Variants in ATAD2B observed in about 807,000 individuals in gnomAD.
The protein encoded by ATAD2B is ATPase family AAA domain containing 2B.
In ATAD2B, 40 loss-of-function variants were observed where a neutral mutation model predicts 167.6. That is an observed-to-expected ratio of 0.24 (90% confidence interval 0.19 to 0.31). The LOEUF is 0.31. Among genes scored for constraint, ATAD2B ranks in the 10% least tolerant of loss-of-function variants. ATAD2B has a pLI of 1.00. For synonymous variants in ATAD2B, 579 were observed against 596.5 expected, an observed-to-expected ratio of 0.97 and a Z score of 0.43; for missense variants, 1,242 against 1,757.2, an observed-to-expected ratio of 0.71 and a Z score of 5.24.
intron 24 of ATAD2B, 95 bp downstream of exon 24, chr2:23,762,113 GA>G: frequency 3.1e-6 from 4 of 1,292,030 alleles, no homozygotes; most frequent in Non-Finnish European, 4.2e-6. Flanking sequence ...AGAGCTATGG[GA>G]AAAGAGCGGC....
At chr2:23,682,895 T>TA in the ATAD2B span, among the ~76,000 whole-genome samples, 2 of 198 alleles carry the variant, frequency 0.01, no homozygotes, top group African/African-American at 0.036. The surrounding 1 kb of genome is among the most constrained non-coding windows in gnomAD (Gnocchi z 4.1). Context: ...GATTCGGCCT[T>TA]GCCATGGCTC....
chr2:23,678,009 G>A, the ATAD2B span, among the ~76,000 whole-genome samples: 2 of 152,192 alleles, frequency 1.3e-5, no homozygotes, highest in African/African-American at 4.8e-5. Context: ...CTGCTGCAAA[G>A]CCACTGAAAT....
the ATAD2B span, among the ~76,000 whole-genome samples, chr2:23,731,121 C>T: frequency 2.6e-5 from 4 of 152,128 alleles, no homozygotes; most frequent in Non-Finnish European, 4.4e-5. Context: ...AATAGCAATG[C>T]ATTGTAATAC....
At chr2:23,895,205 G>T (rs929561992) in intron 2 of ATAD2B, among the ~76,000 whole-genome samples, 2 of 151,934 alleles carry the variant, frequency 1.3e-5, no homozygotes, top group Admixed American at 6.6e-5. Flanking sequence ...GCATAAAATA[G>T]AAGTTAAAGA....
intron 12 of ATAD2B, among the ~76,000 whole-genome samples, chr2:23,862,092 G>A (rs1356841340): frequency 6.6e-6 from 1 of 151,996 alleles, no homozygotes; most frequent in Non-Finnish European, 1.5e-5. Context: ...TCTACCTAGA[G>A]AGGCCAAGGC....
At chr2:23,703,711 C>A in the ATAD2B span, 1 of 1,534,276 alleles carries the variant, frequency 6.5e-7, no homozygotes, top group Non-Finnish European at 8.7e-7. Context: ...GCTCTGCTCT[C>A]CTCACAGACA....
chr2:23,738,537 C>T, the ATAD2B span, among the ~76,000 whole-genome samples: 20 of 152,306 alleles, frequency 1.3e-4, no homozygotes, highest in Admixed American at 1.0e-3. Context: ...CCTAAAAGAG[C>T]TCCTGAAGGA....
At chr2:23,889,229 G>A (rs1233410012) in intron 2 of ATAD2B, among the ~76,000 whole-genome samples, 3 of 151,948 alleles carry the variant, frequency 2.0e-5, no homozygotes, top group African/African-American at 4.8e-5. Flanking sequence ...GTACAGTGGC[G>A]CGATCTCGGC....
chr2:23,894,466 CAA>C (rs113301623), intron 2 of ATAD2B, among the ~76,000 whole-genome samples: 2 of 127,334 alleles, frequency 1.6e-5, no homozygotes, highest in Non-Finnish European at 1.7e-5. Context: ...AACTCCATCT[CAA>C]AAAAAAAAAA....
chr2:23,769,195 C>T (rs887422813), intron 22 of ATAD2B, among the ~76,000 whole-genome samples: 1 of 152,126 alleles, frequency 6.6e-6, no homozygotes, highest in African/African-American at 2.4e-5. Context: ...AATCCCAGCA[C>T]TTTGGGAGGC....
At chr2:23,803,669 G>C (rs2149488619) in intron 18 of ATAD2B, among the ~76,000 whole-genome samples, 1 of 152,298 alleles carries the variant, frequency 6.6e-6, no homozygotes, top group African/African-American at 2.4e-5. Context: ...ATCAATAGCT[G>C]AATCCGTCAG....
intron 12 of ATAD2B, among the ~76,000 whole-genome samples, chr2:23,860,305 A>G (rs1410863596): frequency 6.6e-6 from 1 of 152,190 alleles, no homozygotes. Flanking sequence ...CAAAACAAAA[A>G]TATGTATTTT....
chr2:23,884,548 T>C (rs933114437), intron 6 of ATAD2B, among the ~76,000 whole-genome samples: 1 of 152,124 alleles, frequency 6.6e-6, no homozygotes, highest in Non-Finnish European at 1.5e-5. Flanking sequence ...ATAAAATACA[T>C]TACATAATGT....
chr2:23,710,485 C>A, the ATAD2B span, among the ~76,000 whole-genome samples: 1 of 152,116 alleles, frequency 6.6e-6, no homozygotes, highest in Admixed American at 6.5e-5. Context: ...TTCTGTCAAC[C>A]AAAACAACGC....
At chr2:23,740,050 A>C in the ATAD2B span, among the ~76,000 whole-genome samples, 1 of 152,148 alleles carries the variant, frequency 6.6e-6, no homozygotes, top group Non-Finnish European at 1.5e-5. Flanking sequence ...GAAATTGAGG[A>C]AATAATCAAT....
At chr2:23,725,846 C>T in the ATAD2B span, among the ~76,000 whole-genome samples, 2 of 152,190 alleles carry the variant, frequency 1.3e-5, no homozygotes, top group South Asian at 4.2e-4. Flanking sequence ...ATGAAACACA[C>T]ACACAAACAA....
At chr2:23,860,323 T>C (rs1329822581) in intron 12 of ATAD2B, among the ~76,000 whole-genome samples, 2 of 152,244 alleles carry the variant, frequency 1.3e-5, no homozygotes, top group Non-Finnish European at 2.9e-5. Context: ...TTTGTTGCCA[T>C]GCAGAATCTT....
At chr2:23,834,513 C>T (rs1178962231) in intron 13 of ATAD2B, among the ~76,000 whole-genome samples, 1 of 151,032 alleles carries the variant, frequency 6.6e-6, no homozygotes, top group African/African-American at 2.4e-5. Flanking sequence ...TATTTTAATG[C>T]AGGATCAAGT....
intron 8 of ATAD2B, among the ~76,000 whole-genome samples, chr2:23,870,132 G>C (rs1358706140): frequency 2.6e-5 from 4 of 151,194 alleles, no homozygotes; most frequent in Non-Finnish European, 5.9e-5. Context: ...GCTTGAACCC[G>C]GGAGGCGGAG....
Sources: gnomAD v4.1 joint callset for allele counts (sites outside exome capture counted in the v4.1 genomes callset) on GRCh38, gnomAD v4.1.1 for gene constraint, Gnocchi (gnomAD v3.1) non-coding constraint, MANE v1.5 for transcripts, NCBI Gene and HGNC (gene_info 2026-07-23, HGNC 2026-07-21) for gene names.